Variants in NSL1 observed in about 807,000 individuals in gnomAD.
The protein encoded by NSL1 is kinetochore-associated protein NSL1 homolog.
NSL1 carries 11 observed loss-of-function variants against 25.4 expected under a neutral mutation model. The ratio of observed to expected loss-of-function variants is 0.43; its 90% CI spans 0.27 to 0.72. The LOEUF is 0.72. Ranked by LOEUF, NSL1 falls within the 30% of genes least tolerant of loss-of-function variation. The pLI, the probability that NSL1 is intolerant of heterozygous loss-of-function variation, is 0.19. For missense variants in NSL1, 330 were observed against 342.7 expected (o/e 0.96, Z 0.29); for synonymous variants, 118 against 120.6 (o/e 0.98, Z 0.14).
At chr1:212,766,660 GAAAA>G (rs1001217898) in intron 4 of NSL1, among the ~76,000 whole-genome samples, 2 of 141,670 alleles carry the variant, frequency 1.4e-5, no homozygotes, top group African/African-American at 2.6e-5. Context: ...AAAAAAAAAA[GAAAA>G]AAAAAGAAAA....
intron 4 of NSL1, among the ~76,000 whole-genome samples, chr1:212,764,347 T>C (rs72758446): frequency 0.088 from 13,349 of 152,160 alleles, 673 homozygotes; most frequent in Middle Eastern, 0.15. Flanking sequence ...GACAATTTAA[T>C]GTCACATCAC....
chr1:212,753,889 T>C (rs370722121), intron 4 of NSL1, among the ~76,000 whole-genome samples: 2 of 152,122 alleles, frequency 1.3e-5, no homozygotes, highest in East Asian at 3.8e-4. Context: ...TGAGGGTGGT[T>C]AGGTAAGATC....
At chr1:212,751,846 T>C (rs1659079630) in intron 4 of NSL1, among the ~76,000 whole-genome samples, 1 of 152,188 alleles carries the variant, frequency 6.6e-6, no homozygotes, top group African/African-American at 2.4e-5. Flanking sequence ...ATATATACTT[T>C]TCACTCCCTC....
At chr1:212,782,473 T>C (rs932135555) in intron 3 of NSL1, 47 bp from the exon 4 acceptor site, 1 of 1,276,754 alleles carries the variant, frequency 7.8e-7, no homozygotes, top group Non-Finnish European at 1.1e-6. Context: ...TAATGCTTCA[T>C]ATAAACATCT....
chr1:212,739,733 T>A, intron 4 of NSL1, 132 bp from the exon 5 acceptor site: 2 of 742,902 alleles, frequency 2.7e-6, no homozygotes, highest in Non-Finnish European at 4.4e-6. Flanking sequence ...CACCTCAGCT[T>A]AATCTTTCTC....
chr1:212,748,457 G>GA (rs1222141387), intron 4 of NSL1, among the ~76,000 whole-genome samples: 1 of 152,084 alleles, frequency 6.6e-6, no homozygotes, highest in Admixed American at 6.5e-5. Flanking sequence ...CCAAAATCTG[G>GA]AAACAAATCA....
intron 4 of NSL1, among the ~76,000 whole-genome samples, chr1:212,755,877 G>A (rs142335493): frequency 3.9e-5 from 6 of 152,162 alleles, no homozygotes; most frequent in East Asian, 3.9e-4. Context: ...TTAGAGCTAC[G>A]GCAGTCGAAT....
chr1:212,781,941 C>T, intron 4 of NSL1: 1 of 392,966 alleles, frequency 2.5e-6, no homozygotes, highest in Non-Finnish European at 5.0e-6. Context: ...CTTATTTCTT[C>T]TTAAATTCAA....
rs1282607313 is a variant in NSL1 at position 212,736,063 on chromosome 1, G to C, written c.*2345C>G. The C allele has an allele frequency of 1.0e-6, 1 of 977,934 alleles. No individual in the cohort carries two copies. The highest frequency in any genetic ancestry group is 1.1e-4 in the East Asian group (1 of 8,778). The allele number at this position is 977,934 out of a possible 1,614,324, so 60.6% of individuals were successfully genotyped here. ...TCTTCTTATTATTATTTTGAAACAGGGTCTCACTCTGTCACCCAGGCTGGA... is the reference window on the plus strand; with the variant it reads ...TCTTCTTATTATTATTTTGAAACAGCGTCTCACTCTGTCACCCAGGCTGGA... On this transcript the variant is annotated 3_prime_UTR_variant, in exon 6 of 6. Coordinates refer to ENST00000366977, the MANE Select transcript of NSL1 (RefSeq NM_015471.4).
chr1:212,748,196 C>T (rs1269937061), intron 4 of NSL1, among the ~76,000 whole-genome samples: 1 of 152,052 alleles, frequency 6.6e-6, no homozygotes, highest in Non-Finnish European at 1.5e-5. Flanking sequence ...TTACTTATCA[C>T]TGATTGAATA....
At chr1:212,777,026 G>A (rs1027178633) in intron 4 of NSL1, among the ~76,000 whole-genome samples, 1 of 150,448 alleles carries the variant, frequency 6.6e-6, no homozygotes, top group Non-Finnish European at 1.5e-5. Context: ...ATTAGAGAAG[G>A]CAACAAAACT....
chr1:212,735,816 C>T lies in NSL1; in HGVS notation c.*2592G>A. Reference sequence around the variant, plus strand: ...AGTAAGGAGGTGGTCATCTACAAGTCGGGAAGACAGCCCTCACCAGAAACT... The same window carrying T: ...AGTAAGGAGGTGGTCATCTACAAGTTGGGAAGACAGCCCTCACCAGAAACT... On this transcript the variant is annotated 3_prime_UTR_variant, in exon 6 of 6. Coordinates refer to ENST00000366977, the MANE Select transcript of NSL1 (RefSeq NM_015471.4). 2.6e-6 allele frequency: 1 copy of T among 384,480 alleles called. No individual in the cohort carries two copies. Among genetic ancestry groups the T allele is most frequent in the Non-Finnish European group, 3.6e-6 (1 of 280,442 alleles). The allele number at this position is 384,480 out of a possible 1,614,324, so 23.8% of individuals were successfully genotyped here. A position where few individuals can be genotyped will look rare whatever the true frequency, so the allele number is the denominator to read the frequency against.
At chr1:212,791,392 G>T (rs923682558) in intron 1 of NSL1, 138 bp downstream of exon 1, 3 of 771,544 alleles carry the variant, frequency 3.9e-6, no homozygotes, top group South Asian at 1.7e-5. Flanking sequence ...CTCCTCTAGC[G>T]TTTCTCGAAC....
chr1:212,767,596 C>T (rs115281247), intron 4 of NSL1, among the ~76,000 whole-genome samples: 3,470 of 152,034 alleles, frequency 0.023, 63 homozygotes, highest in South Asian at 0.042. Flanking sequence ...AAAAAGCTTC[C>T]GTAGAGCAAA....
At chr1:212,764,886 AAAAAG>A (rs1659735432) in intron 4 of NSL1, among the ~76,000 whole-genome samples, 1 of 150,934 alleles carries the variant, frequency 6.6e-6, no homozygotes, top group African/African-American at 2.4e-5. Context: ...GAAAGAAAAA[AAAAAG>A]AAACTGGAGA....
intron 4 of NSL1, among the ~76,000 whole-genome samples, chr1:212,752,769 G>A (rs1659124755): frequency 6.6e-6 from 1 of 151,892 alleles, no homozygotes; most frequent in Non-Finnish European, 1.5e-5. Flanking sequence ...TAAAACACAG[G>A]GAAATGAAAA....
intron 4 of NSL1, among the ~76,000 whole-genome samples, chr1:212,746,141 AT>A (rs1426421383): frequency 6.6e-6 from 1 of 152,260 alleles, no homozygotes; most frequent in Non-Finnish European, 1.5e-5. Flanking sequence ...ATAGGTAAAT[AT>A]AAAAGTTAGT....
intron 1 of NSL1, among the ~76,000 whole-genome samples, chr1:212,789,337 G>C (rs955966929): frequency 2.0e-5 from 3 of 151,952 alleles, no homozygotes; most frequent in African/African-American, 7.3e-5. Context: ...TCAGTCTCCC[G>C]AATAGCTGGG....
At chr1:212,775,928 C>T (rs1423151309) in intron 4 of NSL1, among the ~76,000 whole-genome samples, 4 of 151,910 alleles carry the variant, frequency 2.6e-5, no homozygotes, top group Non-Finnish European at 4.4e-5. Context: ...CCCAGGTTCA[C>T]GCCATTCTTC....
Sources: gnomAD v4.1 joint callset for allele counts (sites outside exome capture counted in the v4.1 genomes callset) on GRCh38, gnomAD v4.1.1 for gene constraint, MANE v1.5 for transcripts, NCBI Gene and HGNC (gene_info 2026-07-23, HGNC 2026-07-21) for gene names.